The following GRM5 variants were observed in gnomAD, a reference collection of about 807,000 sequenced individuals.
The protein encoded by GRM5 is glutamate metabotropic receptor 5, also known as metabotropic glutamate receptor 5.
Under a neutral mutation model 83.1 loss-of-function variants are expected in GRM5, and 19 were observed. The ratio of observed to expected loss-of-function variants is 0.23; its 90% confidence interval spans 0.16 to 0.34. The LOEUF is 0.34. Ranked by LOEUF, GRM5 falls within the 10% of genes least tolerant of loss-of-function variation. GRM5 has a pLI of 1.00. For missense variants in GRM5, 1,160 were observed against 1,588.3 expected (o/e 0.73, Z 4.58); for synonymous variants, 675 against 633.6 (o/e 1.07, Z -0.98).
At chr11:88,671,232 C>A (rs1392201394) in intron 3 of GRM5, among the ~76,000 whole-genome samples, 1 of 151,854 alleles carries the variant, frequency 6.6e-6, no homozygotes, top group East Asian at 1.9e-4. Flanking sequence ...GATGTCTGCC[C>A]CAAGATAACC....
At chr11:89,048,210 C>T (rs1941684090) in intron 1 of GRM5, 138 bp from the exon 2 acceptor site, 1 of 240,012 alleles carries the variant, frequency 4.2e-6, no homozygotes, top group Non-Finnish European at 8.2e-6. Context: ...ACGTTTCTGA[C>T]TTTCCTTTGT....
chr11:88,603,868 C>T (rs946117264), intron 5 of GRM5, among the ~76,000 whole-genome samples: 13 of 152,262 alleles, frequency 8.5e-5, no homozygotes, highest in African/African-American at 2.9e-4. Context: ...AGTGTATAGA[C>T]AGTTTTCCAA....
chr11:88,817,475 A>G (rs1943712954), intron 3 of GRM5, among the ~76,000 whole-genome samples: 1 of 152,110 alleles, frequency 6.6e-6, no homozygotes, highest in African/African-American at 2.4e-5. Context: ...TCATCATGTG[A>G]TATCAACTCA....
chr11:88,726,739 C>T (rs551432565), intron 3 of GRM5, among the ~76,000 whole-genome samples: 12 of 152,072 alleles, frequency 7.9e-5, no homozygotes, highest in African/African-American at 1.4e-4. Flanking sequence ...CAATATTCAA[C>T]ATTCTTAAAG....
chr11:88,564,736 T>A (rs905654659), intron 8 of GRM5, among the ~76,000 whole-genome samples: 1 of 152,212 alleles, frequency 6.6e-6, no homozygotes, highest in African/African-American at 2.4e-5. Context: ...AGGTAGGTAT[T>A]GGAGGCACAG....
chr11:88,585,031 T>C (rs1216943932), intron 7 of GRM5, among the ~76,000 whole-genome samples: 2 of 152,198 alleles, frequency 1.3e-5, no homozygotes, highest in Non-Finnish European at 2.9e-5. Flanking sequence ...AAGCAGGTCA[T>C]AAGACCCTCA....
chr11:88,600,292 C>T (rs1254708315), intron 5 of GRM5, among the ~76,000 whole-genome samples: 9 of 146,932 alleles, frequency 6.1e-5, no homozygotes, highest in Non-Finnish European at 1.5e-5. Context: ...CCCTCTCCCC[C>T]ACCCCTTCCC....
At chr11:88,724,789 C>T (rs6483398) in intron 3 of GRM5, among the ~76,000 whole-genome samples, 88,325 of 151,800 alleles carry the variant, frequency 0.58, 27,757 homozygotes, top group South Asian at 0.8. Context: ...TCACTTCTTC[C>T]GGGAAGTACA....
At chr11:88,794,716 G>C (rs1363033172) in intron 3 of GRM5, among the ~76,000 whole-genome samples, 2 of 152,148 alleles carry the variant, frequency 1.3e-5, no homozygotes, top group Non-Finnish European at 2.9e-5. Flanking sequence ...CAATAAAGAA[G>C]ATGATGATGA....
chr11:88,531,238 A>G (rs1942000737), intron 8 of GRM5, among the ~76,000 whole-genome samples: 1 of 152,114 alleles, frequency 6.6e-6, no homozygotes, highest in African/African-American at 2.4e-5. Context: ...TGAGAGAGAT[A>G]TGGCGTAGAA....
intron 4 of GRM5, among the ~76,000 whole-genome samples, chr11:88,636,323 C>T (rs1214805491): frequency 4.6e-5 from 7 of 152,112 alleles, no homozygotes; most frequent in Non-Finnish European, 8.8e-5. Context: ...AACAGCCTGG[C>T]CAACATGGTG....
intron 2 of GRM5, among the ~76,000 whole-genome samples, chr11:89,039,949 G>A (rs997457623): frequency 6.6e-6 from 1 of 152,092 alleles, no homozygotes; most frequent in Non-Finnish European, 1.5e-5. Context: ...ACACCACCAT[G>A]TCTAGCTAAT....
At chr11:88,665,944 G>C (rs1196370832) in intron 3 of GRM5, among the ~76,000 whole-genome samples, 4 of 152,082 alleles carry the variant, frequency 2.6e-5, no homozygotes, top group African/African-American at 9.7e-5. Flanking sequence ...AAGCTAAGAA[G>C]TTGGGACAGA....
At chr11:88,870,463 G>T (rs1944745354) in intron 2 of GRM5, among the ~76,000 whole-genome samples, 1 of 151,342 alleles carries the variant, frequency 6.6e-6, no homozygotes, top group South Asian at 2.1e-4. Flanking sequence ...ACTTTAATAG[G>T]TCACAGACAA....
chr11:88,649,136 T>TA (rs1345542038), intron 4 of GRM5, among the ~76,000 whole-genome samples: 30 of 142,476 alleles, frequency 2.1e-4, no homozygotes, highest in Admixed American at 6.5e-4. Context: ...TTTATATGTG[T>TA]AATATATGTT....
At chr11:88,956,359 G>C (rs1471561531) in intron 2 of GRM5, among the ~76,000 whole-genome samples, 1 of 152,154 alleles carries the variant, frequency 6.6e-6, no homozygotes, top group African/African-American at 2.4e-5. Context: ...TTATTTTGTT[G>C]CAAGTATTTT....
chr11:89,016,150 T>A (rs1724720817), intron 2 of GRM5, among the ~76,000 whole-genome samples: 2 of 150,858 alleles, frequency 1.3e-5, no homozygotes, highest in South Asian at 4.2e-4. Flanking sequence ...ACATGTAAAT[T>A]ATATCTATAT....
chr11:88,637,177 G>A (rs538996395), intron 4 of GRM5, among the ~76,000 whole-genome samples: 6 of 152,216 alleles, frequency 3.9e-5, no homozygotes, highest in South Asian at 2.1e-4. Context: ...AGACTTAAAC[G>A]TTAGACCTAA....
intron 4 of GRM5, among the ~76,000 whole-genome samples, chr11:88,623,168 C>T (rs1216979964): frequency 6.6e-6 from 1 of 152,164 alleles, no homozygotes; most frequent in African/African-American, 2.4e-5. Flanking sequence ...TTACTGCAAC[C>T]TCTGCCTCCC....
Sources: allele counts gnomAD v4.1 joint callset (sites outside exome capture counted in the v4.1 genomes callset), GRCh38; gene constraint gnomAD v4.1.1; transcripts MANE v1.5; gene names NCBI Gene and HGNC (gene_info 2026-07-23, HGNC 2026-07-21).